The following PAXIP1 variants were observed in gnomAD, a reference collection of about 807,000 sequenced individuals.
PAXIP1 encodes PAX-interacting protein 1.
In PAXIP1, 19 loss-of-function variants were observed where a neutral mutation model predicts 140.6. The observed-to-expected ratio is 0.14, with a 90% CI of 0.09 to 0.20. The LOEUF (loss-of-function observed/expected upper bound fraction) is 0.20. Ranked by LOEUF, PAXIP1 falls within the 10% of genes least tolerant of loss-of-function variation. PAXIP1 has a pLI of 1.00. For synonymous variants in PAXIP1, 442 were observed against 444.6 expected (o/e 0.99, Z 0.07); for missense variants, 920 against 1,208.6 (o/e 0.76, Z 3.54).
chr7:154,945,772 C>T, intron 20 of PAXIP1: 1 of 985,080 alleles, frequency 1.0e-6, no homozygotes, highest in Non-Finnish European at 1.2e-6. Context: ...GCTGTTCCTA[C>T]ATTAAAATAA....
At position 154,961,537 on chromosome 7, in the gene PAXIP1, T is replaced by C. The variant is rs756100419; in HGVS notation, c.2239A>G (p.Ile747Val). 3 of 1,604,308 alleles carry C rather than the reference T, an allele frequency of 1.9e-6. No homozygotes were observed. In the Admixed American group the frequency reaches 5.1e-5, roughly 27 times the overall value. The change falls in exon 11 of 21, where the codon ATC becomes GTC. Residue 747 changes from isoleucine (I) to valine (V), a missense_variant. By Grantham distance (29) the Ile-to-Val change is conservative (BLOSUM62 3). Around this residue, in one of 5 missense-constraint regions of PAXIP1, gnomAD observed 303 missense variants for 517.9 expected, o/e 0.59. Transcript: ENST00000404141. ...CGAAAATTTGCTTACTCTTTACAGATGAGGACTGTGTTGCTGCGGCATAGA... is the reference window on the plus strand; with the variant it reads ...CGAAAATTTGCTTACTCTTTACAGACGAGGACTGTGTTGCTGCGGCATAGA... ...GYLCRSNTVL[I>V]CKEPTGLKYE...
At chr7:154,992,555 A>G (rs1810389800) in intron 3 of PAXIP1, among the ~76,000 whole-genome samples, 1 of 151,384 alleles carries the variant, frequency 6.6e-6, no homozygotes, top group African/African-American at 2.4e-5. Context: ...AGATCGTGCC[A>G]CTGGACTCCA....
chr7:154,995,797 C>T (rs1205322980), intron 2 of PAXIP1, among the ~76,000 whole-genome samples: 2 of 151,798 alleles, frequency 1.3e-5, no homozygotes, highest in Non-Finnish European at 2.9e-5. Context: ...TGCAGTGAGT[C>T]GAGATCACAC....
Position 154,946,491 on chromosome 7 carries a change from C to T in PAXIP1, c.3133+21G>A, listed in dbSNP as rs200574109. 1 of 1,612,642 alleles carries T rather than the reference C, an allele frequency of 6.2e-7. No individual in the cohort carries two copies. Among genetic ancestry groups the T allele is most frequent in the South Asian group, 1.1e-5 (1 of 91,062 alleles). On this transcript the variant is annotated intron_variant, in intron 19 of 20. Transcript: ENST00000404141. This position sits in a 1 kb window ranked among gnomAD's most constrained non-coding sequence, Gnocchi z 4.9. The stretch of plus-strand genomic sequence containing the variant: ...TGCTGTGCGTGCACACATACTCACA[C>T]AGGTAAGCGGGGAAACGTACCTATG...
rs564609028 is a variant in PAXIP1 at position 154,977,738 on chromosome 7, G to T, written c.439-1407C>A. Reference sequence around the variant, plus strand: ...TAGGGTATAGTTTAAATTTATTTTTGTTATAAATATATATGTACATATATT... The same window carrying T: ...TAGGGTATAGTTTAAATTTATTTTTTTTATAAATATATATGTACATATATT... On this transcript the variant is annotated intron_variant, in intron 5 of 20. Coordinates refer to ENST00000404141, the MANE Select transcript of PAXIP1 (RefSeq NM_007349.4). 2.0e-5 allele frequency among the ~76,000 whole-genome samples: 3 copies of T among 152,136 alleles called. No individual in the cohort carries two copies. In the South Asian group the frequency reaches 6.2e-4, roughly 32 times the overall value.
chr7:154,969,217 T>C, intron 6 of PAXIP1, 91 bp from the exon 7 acceptor site: 1 of 1,307,972 alleles, frequency 7.6e-7, no homozygotes, highest in Non-Finnish European at 1.0e-6. Flanking sequence ...ATATCCTATT[T>C]ATTAACAATA....
chr7:154,987,381 A>C (rs1052394327), intron 4 of PAXIP1, among the ~76,000 whole-genome samples: 1 of 152,204 alleles, frequency 6.6e-6, no homozygotes, highest in South Asian at 2.1e-4. Context: ...AAAAATGATT[A>C]AGTGTGACTT....
rs1278813219 is a variant in PAXIP1 at position 154,975,839 on chromosome 7, T to G, written c.931A>C (p.Asn311His). The change falls in exon 6 of 21, where the codon AAT becomes CAT. Residue 311 changes from asparagine (N) to histidine (H), a missense_variant. Asn to His is a moderately conservative substitution (Grantham distance 68, BLOSUM62 1). Coordinates refer to ENST00000404141, the MANE Select transcript of PAXIP1 (RefSeq NM_007349.4). ...GNILPPEVRGNLMAAGQNLQS... is the reference protein window; with the variant it reads ...GNILPPEVRGHLMAAGQNLQS... ...AGGTTTTGTCCAGCAGCCATTAAAT[T>G]ACCCCGGACCTCAGGGGGCAAAATG... 6.2e-7 allele frequency: 1 copy of G among 1,614,002 alleles called. No homozygotes were observed. The highest frequency in any genetic ancestry group is 1.7e-5 in the Admixed American group (1 of 60,024).
chr7:154,952,140 A>T (rs945102425), intron 16 of PAXIP1: 3 of 152,222 alleles, frequency 2.0e-5, no homozygotes, highest in Non-Finnish European at 2.9e-5. Context: ...ATACCTTTTT[A>T]GAGTCAAAAA....
chr7:154,992,083 C>T (rs1810356594), intron 3 of PAXIP1, among the ~76,000 whole-genome samples: 1 of 152,150 alleles, frequency 6.6e-6, no homozygotes, highest in African/African-American at 2.4e-5. Flanking sequence ...CTTCCAAAGA[C>T]TTGGGGAAAT....
At chr7:154,990,433 T>C (rs926715494) in intron 4 of PAXIP1, among the ~76,000 whole-genome samples, 6 of 152,206 alleles carry the variant, frequency 3.9e-5, no homozygotes, top group African/African-American at 1.2e-4. Flanking sequence ...CCTAGGAAAC[T>C]GCTGTACTCC....
At chr7:155,000,128 C>CT (rs1326120978) in intron 1 of PAXIP1, 2 of 152,104 alleles carry the variant, frequency 1.3e-5, no homozygotes, top group African/African-American at 4.8e-5. Context: ...GAGCTTTCTT[C>CT]TTTCACTTAT....
rs1382849380 is a variant in PAXIP1, at chr7:154,968,539, C to T, written c.1662G>A (p.Ala554=). 8 of 751,076 alleles carry T rather than the reference C, an allele frequency of 1.1e-5. 1 individual carries two copies. Among genetic ancestry groups the T allele is most frequent in the African/African-American group, 3.5e-5 (2 of 57,790 alleles). The allele number at this position is 751,076 out of a possible 1,614,324, so 46.5% of individuals were successfully genotyped here. A position where few individuals can be genotyped will look rare whatever the true frequency, so the allele number is the denominator to read the frequency against. The change falls in exon 7 of 21, where the codon GCG becomes GCA. Residue 554 remains alanine (A), a synonymous_variant. Transcript: ENST00000404141. ...CCTGTGACGTCTGACTCAAGTGTGG[C>T]GCTGTCTGACTTTGCATCTGCTGCT... ...QQQQQMQSQT[A]PHLSQTSQAL...
At chr7:154,998,832 T>C (rs1401570590) in intron 1 of PAXIP1, 48 bp from the exon 2 acceptor site, 8 of 1,511,620 alleles carry the variant, frequency 5.3e-6, no homozygotes, top group Non-Finnish European at 6.3e-6. Flanking sequence ...AATACTGTAC[T>C]GTACTCTTGA....
chr7:154,952,886 C>A (rs10272381), intron 16 of PAXIP1, among the ~76,000 whole-genome samples: 1,572 of 151,900 alleles, frequency 0.01, 30 homozygotes, highest in African/African-American at 0.035. Context: ...CTTAGATATA[C>A]AGAATCATAA....
rs1563390211 is a variant in PAXIP1, at chr7:154,993,716, A to C, written c.260+10T>G. 4 of 1,588,940 alleles carry C rather than the reference A, an allele frequency of 2.5e-6. No homozygotes were observed. The African/African-American group carries it at 5.4e-5, about 21-fold the overall frequency. ...CCTTTCCCTCCTCCCCCACTCAAAA[A>C]AAAGGATACGGCAGAAGAGTTCCAC... On this transcript the variant is annotated intron_variant, in intron 3 of 20. Transcript: ENST00000404141.
At chr7:154,991,855 GAGTAA>G (rs1810345480) in intron 3 of PAXIP1, among the ~76,000 whole-genome samples, 1 of 152,144 alleles carries the variant, frequency 6.6e-6, no homozygotes, top group African/African-American at 2.4e-5. Flanking sequence ...TTCCCTATAG[GAGTAA>G]AGTATACTGA....
intron 5 of PAXIP1, among the ~76,000 whole-genome samples, chr7:154,980,408 C>A (rs1247989946): frequency 6.6e-6 from 1 of 151,958 alleles, no homozygotes; most frequent in Non-Finnish European, 1.5e-5. Flanking sequence ...ATATGTTATA[C>A]ATATACAAAT....
In PAXIP1 at chr7:154,968,478, G is replaced by T; in HGVS notation, c.1723C>A (p.Gln575Lys). The stretch of plus-strand genomic sequence containing the variant: ...GGTGGCTGCTGTTGCTGCTGCTGCT[G>T]CGGGGGCTGCTGAGGTGGAACCTGA... ...QHQVPPQQPPQQQQQQQPPPS... is the reference protein window; with the variant it reads ...QHQVPPQQPPKQQQQQQPPPS... Residue 575 changes from glutamine (Q) to lysine (K), a missense_variant, in exon 7 of 21, where the codon CAG becomes AAG. By Grantham distance (53) the Gln-to-Lys change is moderately conservative. Coordinates refer to ENST00000404141, the MANE Select transcript of PAXIP1 (RefSeq NM_007349.4). 8.0e-7 allele frequency: 1 copy of T among 1,252,296 alleles called. No individual in the cohort carries two copies. Among genetic ancestry groups the T allele is most frequent in the Non-Finnish European group, 1.1e-6 (1 of 873,560 alleles). The allele number at this position is 1,252,296 out of a possible 1,614,324, so 77.6% of individuals were successfully genotyped here.
Sources: gnomAD v4.1 joint callset for allele counts (sites outside exome capture counted in the v4.1 genomes callset) on GRCh38, gnomAD v4.1.1 for gene constraint, gnomAD v4.1.1 regional missense constraint, Gnocchi (gnomAD v3.1) non-coding constraint, MANE v1.5 for transcripts, NCBI Gene and HGNC (gene_info 2026-07-23, HGNC 2026-07-21) for gene names.